The following HEYL variants were observed in gnomAD, a reference collection of about 807,000 sequenced individuals.
HEYL encodes the protein hairy/enhancer-of-split related with YRPW motif-like protein.
A neutral mutation model predicts 18.6 loss-of-function variants in HEYL; 12 were observed. That is an observed-to-expected ratio of 0.65 (90% confidence interval 0.41 to 1.05). The LOEUF is 1.05. Ranked by LOEUF, HEYL falls within the 50% of genes least tolerant of loss-of-function variation. HEYL has a pLI of 0.00. For missense variants in HEYL, 420 were observed against 444.7 expected, an observed-to-expected ratio of 0.94 and a Z score of 0.50; for synonymous variants, 159 against 179.6, an observed-to-expected ratio of 0.89 and a Z score of 0.91.
At chr1:39,630,901 G>C (rs768162214) in intron 3 of HEYL, among the ~76,000 whole-genome samples, 20 of 152,210 alleles carry the variant, frequency 1.3e-4, no homozygotes, top group Non-Finnish European at 2.4e-4. Flanking sequence ...TTCATGGCTG[G>C]TCCTGTGATG....
chr1:39,634,560 G>A (rs964221521), intron 1 of HEYL, among the ~76,000 whole-genome samples: 2 of 152,082 alleles, frequency 1.3e-5, no homozygotes, highest in African/African-American at 4.8e-5. Flanking sequence ...ACCATCTTTG[G>A]TTCACCCATC....
rs1018155710 is a variant in HEYL at position 39,633,175 on chromosome 1, C to G, written c.81-460G>C. ...CGCCGGCCGCCCGCCCTCCGCCCCG[C>G]CTGCAGCTGCCGCCTCCTCCCACGC... On this transcript the variant is annotated intron_variant, in intron 1 of 4. Transcript: ENST00000372852. The G allele has an allele frequency of 4.5e-5, 43 of 949,112 alleles. 1 individual carries two copies. In the East Asian group the frequency reaches 3.6e-3, roughly 79 times the overall value. The allele number at this position is 949,112 out of a possible 1,614,324, so 58.8% of individuals were successfully genotyped here.
chr1:39,626,881 G>A lies in HEYL; in HGVS notation c.613C>T (p.Pro205Ser), dbSNP rs778282702. Reference protein sequence around the residue: ...ILGRVPSPVLPGVSSPAYPIP... With the variant: ...ILGRVPSPVLSGVSSPAYPIP... The stretch of plus-strand genomic sequence containing the variant: ...GGGTAAGCAGGAGAGGAGACACCGG[G>A]GAGGACAGGGCTGGGCACTCTTCCC... Residue 205 changes from proline (P) to serine (S), a missense_variant, in exon 5 of 5, where the codon CCC becomes TCC. Coordinates refer to ENST00000372852, the MANE Select transcript of HEYL (RefSeq NM_014571.4). The A allele has an allele frequency of 8.1e-6, 13 of 1,602,098 alleles. No individual in the cohort carries two copies. Among genetic ancestry groups the A allele is most frequent in the Non-Finnish European group, 1.0e-5 (12 of 1,173,504 alleles).
rs775380748 is a variant in HEYL, at chr1:39,630,309, C to T, written c.232-1G>A. 6.2e-7 allele frequency: 1 copy of T among 1,613,618 alleles called. No homozygotes were observed. Among genetic ancestry groups the T allele is most frequent in the South Asian group, 1.1e-5 (1 of 91,068 alleles). ...CGGCTTTCTCCAGCTTGGAAGAGCC[C>T]TGCGGGTACAGAAGACAGAAGGGTG... On this transcript the variant is annotated splice_acceptor_variant, in intron 3 of 4. Transcript: ENST00000372852. LOFTEE classifies it high-confidence loss of function.
Position 39,626,520 on chromosome 1 carries a change from A to C in HEYL, c.974T>G (p.Ile325Ser), listed in dbSNP as rs1229950939. Reference sequence around the variant, plus strand: ...TGAAGGGGCAGCTCAGAAAGCCCCGATTTCAGTGATTTCAGAGACCCAGGA... The same window carrying C: ...TGAAGGGGCAGCTCAGAAAGCCCCGCTTTCAGTGATTTCAGAGACCCAGGA... ...YHSWVSEITE[I>S]GAF Residue 325 changes from isoleucine (I) to serine (S), a missense_variant, in exon 5 of 5, where the codon ATC (isoleucine) becomes AGC (serine). Ile to Ser is a moderately radical substitution (Grantham distance 142, BLOSUM62 -2). Transcript: ENST00000372852. The C allele has an allele frequency of 2.0e-6, 3 of 1,531,274 alleles. No homozygotes were observed. The highest frequency in any genetic ancestry group is 2.6e-6 in the Non-Finnish European group (3 of 1,139,120). The allele number at this position is 1,531,274 out of a possible 1,614,324, so 94.9% of individuals were successfully genotyped here.
In HEYL at chr1:39,630,248, G is replaced by T; in HGVS notation, c.292C>A (p.Leu98Ile). 6.2e-7 allele frequency: 1 copy of T among 1,614,012 alleles called. No individual in the cohort carries two copies. The highest frequency in any genetic ancestry group is 8.5e-7 in the Non-Finnish European group (1 of 1,179,912). Residue 98 changes from leucine (L) to isoleucine (I), a missense_variant, in exon 4 of 5, where the codon CTC becomes ATC. Physicochemically the swap from Leu to Ile is conservative, Grantham distance 5 (BLOSUM62 2). Coordinates refer to ENST00000372852, the MANE Select transcript of HEYL (RefSeq NM_014571.4). ...GTACCTGTCCCACCAGTGGCATGGA[G>T]CATTTTCAAGTGATCCACCGTCATC... is the stretch of plus-strand genomic sequence containing the variant. The part of the protein sequence containing the change: ...LQMTVDHLKM[L>I]HATGGTGFFD...
Position 39,626,468 on chromosome 1 carries a change from C to T in HEYL, c.*39G>A, listed in dbSNP as rs904529912. ...CTTTTTTGGGCTCCTGGTAAAAGAA[C>T]CTTCCTTATTCCTTGGGGCGGGGTG... is the stretch of plus-strand genomic sequence containing the variant. On this transcript the variant is annotated 3_prime_UTR_variant, in exon 5 of 5. Transcript: ENST00000372852. 36 of 1,448,644 alleles carry T rather than the reference C, an allele frequency of 2.5e-5. No homozygotes were observed. Among genetic ancestry groups the T allele is most frequent in the Non-Finnish European group, 3.2e-5 (35 of 1,098,128 alleles). 89.7% of individuals were successfully genotyped at this position (1,448,644 alleles called of 1,614,324 possible).
At position 39,626,846 on chromosome 1, in the gene HEYL, G is replaced by A. The variant is rs976495592; in HGVS notation, c.648C>T (p.Ala216=). Residue 216 remains alanine, a synonymous_variant, in exon 5 of 5, where the codon GCC becomes GCT. Transcript: ENST00000372852. ...GVSSPAYPIP[A]LRTAPLRRAT... ...CTCTGCGAAGGGGAGCGGTTCGGAGGGCTGGGATGGGGTAAGCAGGAGAGG... is the reference window on the plus strand; with the variant it reads ...CTCTGCGAAGGGGAGCGGTTCGGAGAGCTGGGATGGGGTAAGCAGGAGAGG... 6.3e-7 allele frequency: 1 copy of A among 1,581,398 alleles called. No homozygotes were observed. The highest frequency in any genetic ancestry group is 1.3e-5 in the African/African-American group (1 of 74,364).
Position 39,630,171 on chromosome 1 carries a change from C to G in HEYL, c.313+56G>C, listed in dbSNP as rs1017172569. ...TTGCTCACCAGCATATCCCCAGGGCCCAGCCTCAAAATATTTGTTGTATGA... is the reference window on the plus strand; with the variant it reads ...TTGCTCACCAGCATATCCCCAGGGCGCAGCCTCAAAATATTTGTTGTATGA... On this transcript the variant is annotated intron_variant, in intron 4 of 4. Transcript: ENST00000372852. The G allele has an allele frequency of 1.3e-4, 196 of 1,497,930 alleles. 2 individuals are homozygous for G. In the East Asian group the frequency reaches 4.4e-3, roughly 33 times the overall value. 92.8% of individuals were successfully genotyped at this position (1,497,930 alleles called of 1,614,324 possible).
chr1:39,634,829 A>G (rs868282831), intron 1 of HEYL, among the ~76,000 whole-genome samples: 2 of 152,200 alleles, frequency 1.3e-5, no homozygotes, highest in South Asian at 4.1e-4. Flanking sequence ...TACATTCACT[A>G]TTGCAGCTTC....
At chr1:39,632,879 A>C (rs1244891229) in intron 1 of HEYL, 164 bp from the exon 2 acceptor site, 29 of 984,950 alleles carry the variant, frequency 2.9e-5, no homozygotes, top group Non-Finnish European at 3.4e-5. Flanking sequence ...CCTCTCATGC[A>C]CTCTGGGCCC....
At chr1:39,632,757 C>G (rs777807407) in intron 1 of HEYL, 42 bp from the exon 2 acceptor site, 6 of 1,609,904 alleles carry the variant, frequency 3.7e-6, no homozygotes, top group Non-Finnish European at 5.1e-6. Flanking sequence ...GGCTGGGGGA[C>G]AGTCTCCCCG....
Position 39,624,446 on chromosome 1 carries a change from G to A in HEYL, c.*2061C>T. 6.6e-6 allele frequency: 1 copy of A among 152,308 alleles called. No individual in the cohort carries two copies. The highest frequency in any genetic ancestry group is 1.5e-5 in the Non-Finnish European group (1 of 68,100). The allele number at this position is 152,308 out of a possible 1,614,324, so 9.4% of individuals were successfully genotyped here. A position where few individuals can be genotyped will look rare whatever the true frequency, so the allele number is the denominator to read the frequency against. ...AATGTGTTTCCCACAGCCCCACTAG[G>A]GATTCTCAGGCTAGGAAGTTGCCAA... On this transcript the variant is annotated 3_prime_UTR_variant, in exon 5 of 5. Coordinates refer to ENST00000372852, the MANE Select transcript of HEYL (RefSeq NM_014571.4).
intron 4 of HEYL, 124 bp from the exon 5 acceptor site, chr1:39,627,304 T>A: frequency 1.2e-6 from 1 of 820,208 alleles, no homozygotes; most frequent in East Asian, 2.7e-5. Context: ...GGCCATGTCA[T>A]CCTGCCTCTC....
At chr1:39,633,054 G>A in intron 1 of HEYL, 4 of 977,864 alleles carry the variant, frequency 4.1e-6, no homozygotes, top group Non-Finnish European at 4.9e-6. Flanking sequence ...ACTGGCCGGC[G>A]GCGGCGGGGC....
chr1:39,637,405 G>C lies in HEYL; in HGVS notation c.80+2141C>G, dbSNP rs114617863. Reference sequence around the variant, plus strand: ...TGGCTGCCTCCGTCCTGCGGCCTTTGTCAGTGTTTATCTGCTTTCTTTGTA... The same window carrying C: ...TGGCTGCCTCCGTCCTGCGGCCTTTCTCAGTGTTTATCTGCTTTCTTTGTA... On this transcript the variant is annotated intron_variant, in intron 1 of 4. Transcript: ENST00000372852. Among the ~76,000 whole-genome samples, 453 of 152,300 alleles carry C rather than the reference G, an allele frequency of 3.0e-3. 2 individuals are homozygous for C. Among genetic ancestry groups the C allele is most frequent in the African/African-American group, 0.011 (444 of 41,558 alleles).
At chr1:39,635,118 C>T (rs1646355848) in intron 1 of HEYL, among the ~76,000 whole-genome samples, 1 of 152,226 alleles carries the variant, frequency 6.6e-6, no homozygotes, top group African/African-American at 2.4e-5. Flanking sequence ...ATGTCTCTGG[C>T]TTTGTCCAGA....
Position 39,624,035 on chromosome 1 carries a change from C to T in HEYL, c.*2472G>A, listed in dbSNP as rs1172897754. ...TGATTGACAAAGCAAGAGGGAAGACCTTTCTGAGGCCAGGGCAGTGATCTG... is the reference window on the plus strand; with the variant it reads ...TGATTGACAAAGCAAGAGGGAAGACTTTTCTGAGGCCAGGGCAGTGATCTG... On this transcript the variant is annotated 3_prime_UTR_variant, in exon 5 of 5. Coordinates refer to ENST00000372852, the MANE Select transcript of HEYL (RefSeq NM_014571.4). The T allele has an allele frequency of 6.6e-6, 1 of 152,276 alleles. No individual in the cohort carries two copies. Among genetic ancestry groups the T allele is most frequent in the Non-Finnish European group, 1.5e-5 (1 of 68,080 alleles). The allele number at this position is 152,276 out of a possible 1,614,324, so 9.4% of individuals were successfully genotyped here.
intron 1 of HEYL, among the ~76,000 whole-genome samples, chr1:39,639,070 A>C (rs1646374248): frequency 6.6e-6 from 1 of 152,196 alleles, no homozygotes; most frequent in Non-Finnish European, 1.5e-5. Flanking sequence ...AAGGAGGACA[A>C]ATTTTCTTCT....
Sources: gnomAD v4.1 joint callset for allele counts (sites outside exome capture counted in the v4.1 genomes callset) on GRCh38, gnomAD v4.1.1 for gene constraint, MANE v1.5 for transcripts, NCBI Gene and HGNC (gene_info 2026-07-23, HGNC 2026-07-21) for gene names.